Variants in PCDHA2 observed in about 807,000 individuals in gnomAD.
PCDHA2 encodes protocadherin alpha 2, also known as protocadherin alpha-2.
A neutral mutation model predicts 66.0 loss-of-function variants in PCDHA2; 58 were observed. The observed-to-expected ratio is 0.88, with a 90% CI of 0.71 to 1.09. The LOEUF is 1.09. PCDHA2 is among the 50% of genes least tolerant of loss of function. The pLI, the probability that PCDHA2 is intolerant of heterozygous loss-of-function variation, is 0.00. For missense variants in PCDHA2, 1,267 were observed against 1,242.3 expected (o/e 1.02, Z -0.30); for synonymous variants, 634 against 554.0 (o/e 1.14, Z -2.03).
intron 1 of PCDHA2, 53 bp from the exon 2 acceptor site, chr5:140,978,895 TG>T: frequency 6.2e-7 from 1 of 1,612,992 alleles, no homozygotes; most frequent in Non-Finnish European, 8.5e-7. Context: ...GCAGCATTCC[TG>T]GGAGAACATT....
chr5:140,967,026 C>G, intron 1 of PCDHA2: 2 of 1,608,434 alleles, frequency 1.2e-6, no homozygotes, highest in East Asian at 4.5e-5. Flanking sequence ...GCGCCCAGTC[C>G]GCGCTACCTG....
At chr5:140,984,751 T>A (rs2097118127) in intron 3 of PCDHA2, among the ~76,000 whole-genome samples, 1 of 152,158 alleles carries the variant, frequency 6.6e-6, no homozygotes. Context: ...CAGATTTGAG[T>A]TGAATTCTAA....
intron 1 of PCDHA2, chr5:140,825,391 T>C (rs1768537331): frequency 1.4e-5 from 2 of 143,592 alleles, no homozygotes; most frequent in East Asian, 3.9e-4. Flanking sequence ...CTAATATATA[T>C]CTAATATATT....
At chr5:140,898,026 T>G (rs11167645) in intron 1 of PCDHA2, among the ~76,000 whole-genome samples, 49,476 of 151,852 alleles carry the variant, frequency 0.33, 8,303 homozygotes, top group East Asian at 0.53. Flanking sequence ...GCCCACTTTT[T>G]GATGGGGTTG....
At chr5:140,977,096 G>A (rs1401413424) in intron 1 of PCDHA2, among the ~76,000 whole-genome samples, 1 of 152,182 alleles carries the variant, frequency 6.6e-6, no homozygotes, top group East Asian at 1.9e-4. Flanking sequence ...TGTGTCATTG[G>A]GGAAGTGAGA....
chr5:140,976,037 T>C (rs1466922826), intron 1 of PCDHA2, among the ~76,000 whole-genome samples: 1 of 152,200 alleles, frequency 6.6e-6, no homozygotes, highest in Non-Finnish European at 1.5e-5. Context: ...ATTTCAACTG[T>C]GATTGAAATT....
At chr5:140,881,085 A>G (rs1554171740) in intron 1 of PCDHA2, among the ~76,000 whole-genome samples, 1 of 152,156 alleles carries the variant, frequency 6.6e-6, no homozygotes, top group East Asian at 1.9e-4. Flanking sequence ...GCTATGATAT[A>G]TTTTTCATTA....
At chr5:140,907,746 T>G (rs1240884837) in intron 1 of PCDHA2, among the ~76,000 whole-genome samples, 3 of 152,302 alleles carry the variant, frequency 2.0e-5, no homozygotes, top group African/African-American at 7.2e-5. Context: ...ATGGCCACTT[T>G]GTTCATGGGC....
intron 1 of PCDHA2, among the ~76,000 whole-genome samples, chr5:140,873,040 T>C (rs2153278087): frequency 6.6e-6 from 1 of 152,312 alleles, no homozygotes; most frequent in South Asian, 2.1e-4. Flanking sequence ...CGTAGAGTGG[T>C]GGTATTACAG....
intron 1 of PCDHA2, among the ~76,000 whole-genome samples, chr5:140,872,595 C>G (rs1048527578): frequency 6.6e-6 from 1 of 152,102 alleles, no homozygotes; most frequent in African/African-American, 2.4e-5. Flanking sequence ...AGACCCCCAT[C>G]TGAAAAAATA....
At chr5:140,948,903 CTTAGGTAACTGA>C (rs1213410342) in intron 1 of PCDHA2, among the ~76,000 whole-genome samples, 1 of 151,196 alleles carries the variant, frequency 6.6e-6, no homozygotes, top group Non-Finnish European at 1.5e-5. Context: ...TAAGTGGATT[CTTAGGTAACTGA>C]TTAGGTAACT....
chr5:140,981,974 A>G (rs782298715), intron 2 of PCDHA2, among the ~76,000 whole-genome samples: 6 of 152,232 alleles, frequency 3.9e-5, no homozygotes, highest in Non-Finnish European at 8.8e-5. Context: ...AGATATAGAA[A>G]GAGTAAAATA....
chr5:140,862,608 A>G (rs565248341), intron 1 of PCDHA2: 1 of 519,626 alleles, frequency 1.9e-6, no homozygotes, highest in East Asian at 5.2e-5. Flanking sequence ...TGTTCGTGAA[A>G]GGTAACAACC....
chr5:140,813,047 T>C (rs1334084889), intron 1 of PCDHA2: 1 of 152,224 alleles, frequency 6.6e-6, no homozygotes, highest in African/African-American at 2.4e-5. Context: ...AAGACTTGTT[T>C]TGTGACCTGA....
chr5:140,802,539 G>A (rs782192647), intron 1 of PCDHA2: 1 of 1,614,188 alleles, frequency 6.2e-7, no homozygotes, highest in Non-Finnish European at 8.5e-7. Context: ...GGTGGCCGAC[G>A]TGAACGACAA....
intron 1 of PCDHA2, chr5:140,858,724 G>A: frequency 2.0e-6 from 1 of 491,474 alleles, no homozygotes; most frequent in South Asian, 3.0e-5. Flanking sequence ...TTGCAGTTCT[G>A]ACGATTTACT....
chr5:140,884,350 G>A, intron 1 of PCDHA2: 1 of 1,613,918 alleles, frequency 6.2e-7, no homozygotes, highest in South Asian at 1.1e-5. Flanking sequence ...CGGCGCTGGT[G>A]GATGTCAATG....
At chr5:140,882,018 A>C in intron 1 of PCDHA2, 2 of 559,360 alleles carry the variant, frequency 3.6e-6, no homozygotes, top group East Asian at 3.1e-5. Context: ...AAAATACTAC[A>C]TCAATGGAAA....
intron 1 of PCDHA2, among the ~76,000 whole-genome samples, chr5:140,892,875 G>A (rs1041608064): frequency 1.3e-5 from 2 of 152,022 alleles, no homozygotes; most frequent in Non-Finnish European, 2.9e-5. Flanking sequence ...CTATAATTTC[G>A]TATCCATTAA....
Sources: gnomAD v4.1 joint callset for allele counts (sites outside exome capture counted in the v4.1 genomes callset) on GRCh38, gnomAD v4.1.1 for gene constraint, MANE v1.5 for transcripts, NCBI Gene and HGNC (gene_info 2026-07-23, HGNC 2026-07-21) for gene names.